GRM1: variants seen among roughly 807,000 people sequenced by gnomAD.
The protein encoded by GRM1 is glutamate metabotropic receptor 1, also known as metabotropic glutamate receptor 1.
GRM1 carries 33 observed loss-of-function variants against 90.9 expected under a neutral mutation model. The ratio of observed to expected loss-of-function variants is 0.36; its 90% CI spans 0.28 to 0.49. GRM1 has a LOEUF of 0.49. GRM1 is among the 20% of genes least tolerant of loss of function. GRM1 has a pLI of 0.99. For synonymous variants in GRM1, 700 were observed against 613.2 expected (o/e 1.14, Z -2.09); for missense variants, 1,190 against 1,534.3 (o/e 0.78, Z 3.75).
At chr6:146,248,623 T>A (rs979089552) in intron 2 of GRM1, among the ~76,000 whole-genome samples, 1 of 152,148 alleles carries the variant, frequency 6.6e-6, no homozygotes, top group Non-Finnish European at 1.5e-5. Context: ...TTACCCAGTC[T>A]CAGGTAGTAG....
chr6:146,270,167 A>T (rs1782061818), intron 2 of GRM1, among the ~76,000 whole-genome samples: 3 of 152,130 alleles, frequency 2.0e-5, no homozygotes, highest in Admixed American at 2.0e-4. Flanking sequence ...ATTTCCAAGA[A>T]CTCCAAAGAG....
At chr6:146,123,279 G>A (rs1425144128) in intron 1 of GRM1, among the ~76,000 whole-genome samples, 1 of 152,212 alleles carries the variant, frequency 6.6e-6, no homozygotes, top group East Asian at 1.9e-4. Context: ...AAGCAGTGAT[G>A]GTTAGAGATG....
Position 146,433,886 on chromosome 6 carries a change from C to A in GRM1, c.2675C>A (p.Ser892Tyr), listed in dbSNP as rs761940430. Residue 892 changes from serine (S) to tyrosine (Y), a missense_variant, in exon 8 of 8, where the codon TCT becomes TAT. Ser to Tyr is a moderately radical substitution (Grantham distance 144, BLOSUM62 -2). Transcript: ENST00000282753. The part of the protein sequence containing the change: ...GAGNANSNGK[S>Y]VSWSEPGGGQ... ...TTTATTCATAGTTCTAATGGCAAGTCTGTGTCATGGTCTGAACCAGGTGGA... is the reference window on the plus strand; with the variant it reads ...TTTATTCATAGTTCTAATGGCAAGTATGTGTCATGGTCTGAACCAGGTGGA... The A allele has an allele frequency of 6.2e-7, 1 of 1,610,568 alleles. No homozygotes were observed. Among genetic ancestry groups the A allele is most frequent in the Non-Finnish European group, 8.5e-7 (1 of 1,176,798 alleles).
chr6:146,260,240 G>C lies in GRM1; in HGVS notation c.951-44371G>C, dbSNP rs572320265. Among the ~76,000 whole-genome samples, 11 of 152,030 alleles carry C rather than the reference G, an allele frequency of 7.2e-5. 1 individual carries two copies. The South Asian group carries it at 2.3e-3, about 32-fold the overall frequency. ...TTGTTCAATTCCCACTTATGAGTGAGAATATGTGGTGTTTGGTTTCTTGTT... is the reference window on the plus strand; with the variant it reads ...TTGTTCAATTCCCACTTATGAGTGACAATATGTGGTGTTTGGTTTCTTGTT... On this transcript the variant is annotated intron_variant, in intron 2 of 7. Transcript: ENST00000282753.
intron 2 of GRM1, among the ~76,000 whole-genome samples, chr6:146,176,083 C>T (rs1252016587): frequency 3.3e-5 from 5 of 152,022 alleles, no homozygotes; most frequent in Non-Finnish European, 5.9e-5. Context: ...GAAACCCTAG[C>T]GCCCTTTCAA....
At chr6:146,182,638 A>G (rs1452673659) in intron 2 of GRM1, among the ~76,000 whole-genome samples, 3 of 152,142 alleles carry the variant, frequency 2.0e-5, no homozygotes, top group Non-Finnish European at 4.4e-5. Flanking sequence ...TCTCACAAAG[A>G]CTTCTTAGGT....
At chr6:146,050,243 A>T (rs185763792) in intron 1 of GRM1, among the ~76,000 whole-genome samples, 4 of 152,140 alleles carry the variant, frequency 2.6e-5, no homozygotes, top group African/African-American at 7.2e-5. Flanking sequence ...TCAGAAAAGG[A>T]TAAAATAAAT....
At chr6:146,076,795 C>A (rs1776202204) in intron 1 of GRM1, among the ~76,000 whole-genome samples, 1 of 152,106 alleles carries the variant, frequency 6.6e-6, no homozygotes, top group Admixed American at 6.5e-5. Flanking sequence ...CAAATTAGCA[C>A]CAGGCAGTTC....
intron 2 of GRM1, among the ~76,000 whole-genome samples, chr6:146,240,787 T>A (rs550624536): frequency 6.6e-6 from 1 of 152,274 alleles, no homozygotes; most frequent in South Asian, 2.1e-4. Context: ...CCTTTGAGGC[T>A]TATTCAGTTG....
chr6:146,375,200 T>C (rs1161488455), intron 5 of GRM1, among the ~76,000 whole-genome samples: 2 of 152,090 alleles, frequency 1.3e-5, no homozygotes, highest in African/African-American at 4.8e-5. Flanking sequence ...CCTCTTGTTA[T>C]TCATTTCTAC....
chr6:146,031,960 G>A (rs1051501091), intron 1 of GRM1, among the ~76,000 whole-genome samples: 2 of 152,008 alleles, frequency 1.3e-5, no homozygotes, highest in Non-Finnish European at 2.9e-5. Context: ...CTTTCTTCAG[G>A]AAGAAGTAAT....
At position 146,360,553 on chromosome 6, in the gene GRM1, A is replaced by G. The variant is rs545081025; in HGVS notation, c.1602+2859A>G. ...TCAAAGGTGACCAACAGCAGCATCTACTCCCACTCCAGAGCTACAGGGACC... is the reference window on the plus strand; with the variant it reads ...TCAAAGGTGACCAACAGCAGCATCTGCTCCCACTCCAGAGCTACAGGGACC... On this transcript the variant is annotated intron_variant, in intron 5 of 7. Transcript: ENST00000282753. Among the ~76,000 whole-genome samples, 4 of 152,104 alleles carry G rather than the reference A, an allele frequency of 2.6e-5. No homozygotes were observed. In the South Asian group the frequency reaches 6.2e-4, roughly 24 times the overall value.
rs955452721 is a variant in GRM1 at position 146,222,723 on chromosome 6, T to C, written c.950+63126T>C. On this transcript the variant is annotated intron_variant, in intron 2 of 7. Transcript: ENST00000282753. The stretch of plus-strand genomic sequence containing the variant: ...GAGAAACGCCCCCATAGATGCACCC[T>C]AAAATAATGTTTAACCAAATATCCG... Among the ~76,000 whole-genome samples, 9 of 152,184 alleles carry C rather than the reference T, an allele frequency of 5.9e-5. No individual in the cohort carries two copies. The East Asian group carries it at 1.7e-3, about 29-fold the overall frequency.
intron 1 of GRM1, among the ~76,000 whole-genome samples, chr6:146,037,447 C>T (rs538515656): frequency 6.6e-6 from 1 of 152,060 alleles, no homozygotes; most frequent in South Asian, 2.1e-4. Context: ...ACTAATTTAG[C>T]TTTGTTTTAG....
intron 3 of GRM1, among the ~76,000 whole-genome samples, chr6:146,349,480 C>T (rs754520346): frequency 4.6e-5 from 7 of 152,128 alleles, no homozygotes; most frequent in Non-Finnish European, 8.8e-5. Flanking sequence ...CAATTATTCA[C>T]TCAATGCTCC....
At chr6:146,096,700 G>A (rs1776885726) in intron 1 of GRM1, among the ~76,000 whole-genome samples, 1 of 152,140 alleles carries the variant, frequency 6.6e-6, no homozygotes, top group Non-Finnish European at 1.5e-5. Flanking sequence ...GATATTAGAT[G>A]GGTGCTAATT....
intron 1 of GRM1, among the ~76,000 whole-genome samples, chr6:146,073,103 G>C (rs1255292461): frequency 6.6e-6 from 1 of 152,070 alleles, no homozygotes; most frequent in Admixed American, 6.6e-5. Flanking sequence ...TATCTATAAA[G>C]GAAATTGAAT....
At chr6:146,103,972 A>C (rs1227049025) in intron 1 of GRM1, among the ~76,000 whole-genome samples, 1 of 152,164 alleles carries the variant, frequency 6.6e-6, no homozygotes, top group Non-Finnish European at 1.5e-5. Flanking sequence ...GAAGAAAAAA[A>C]CCATCTGATC....
chr6:146,075,977 A>T (rs535590658), intron 1 of GRM1, among the ~76,000 whole-genome samples: 1 of 152,200 alleles, frequency 6.6e-6, no homozygotes, highest in Non-Finnish European at 1.5e-5. Flanking sequence ...ATTCATAAGT[A>T]CTGGGAATTA....
Sources: allele counts gnomAD v4.1 joint callset (sites outside exome capture counted in the v4.1 genomes callset), GRCh38; gene constraint gnomAD v4.1.1; transcripts MANE v1.5; gene names NCBI Gene and HGNC (gene_info 2026-07-23, HGNC 2026-07-21).